PDE1A: variants seen among roughly 807,000 people sequenced by gnomAD.
PDE1A encodes the protein phosphodiesterase 1A, also known as dual specificity calcium/calmodulin-dependent 3',5'-cyclic nucleotide phosphodiesterase 1A.
Under a neutral mutation model 61.7 loss-of-function variants are expected in PDE1A, and 35 were observed. The ratio of observed to expected loss-of-function variants is 0.57; its 90% confidence interval spans 0.43 to 0.75. PDE1A has a LOEUF of 0.75. Ranked by LOEUF, PDE1A falls within the 30% of genes least tolerant of loss-of-function variation. The pLI is 0.00. For missense variants in PDE1A, 597 were observed against 630.6 expected (o/e 0.95, Z 0.57); for synonymous variants, 232 against 213.2 (o/e 1.09, Z -0.77).
chr2:182,178,340 G>A (rs1022642323), intron 13 of PDE1A, among the ~76,000 whole-genome samples: 1 of 152,058 alleles, frequency 6.6e-6, no homozygotes, highest in East Asian at 1.9e-4. Context: ...AGCAAAAAGG[G>A]GTATGAAGGT....
At chr2:182,346,922 C>T (rs1366463787) in intron 1 of PDE1A, among the ~76,000 whole-genome samples, 8 of 152,200 alleles carry the variant, frequency 5.3e-5, no homozygotes, top group Admixed American at 5.2e-4. Context: ...CCCAAGACTT[C>T]TGAGAAAATT....
intron 2 of PDE1A, among the ~76,000 whole-genome samples, chr2:182,468,374 T>C (rs1686809628): frequency 6.6e-6 from 1 of 151,992 alleles, no homozygotes; most frequent in Non-Finnish European, 1.5e-5. Flanking sequence ...GTAGATTCCA[T>C]CTCAATAAAC....
chr2:182,581,339 G>C, the PDE1A span, among the ~76,000 whole-genome samples: 1 of 152,096 alleles, frequency 6.6e-6, no homozygotes, highest in East Asian at 1.9e-4. Flanking sequence ...ACCTCAAACG[G>C]CCTCATGGAG....
chr2:182,653,489 A>G, the PDE1A span, among the ~76,000 whole-genome samples: 3 of 152,214 alleles, frequency 2.0e-5, no homozygotes, highest in Non-Finnish European at 1.5e-5. Context: ...TCTCTATGAA[A>G]TTAGGCTCTT....
chr2:182,281,707 T>C (rs1693817523), intron 1 of PDE1A, among the ~76,000 whole-genome samples: 1 of 151,866 alleles, frequency 6.6e-6, no homozygotes, highest in Non-Finnish European at 1.5e-5. Flanking sequence ...TTTGTGAAAA[T>C]TTCATTATTT....
chr2:182,638,224 A>G, the PDE1A span, among the ~76,000 whole-genome samples: 5 of 152,194 alleles, frequency 3.3e-5, no homozygotes, highest in Non-Finnish European at 5.9e-5. Flanking sequence ...AAATTAGTTC[A>G]AACTAAATAA....
the PDE1A span, among the ~76,000 whole-genome samples, chr2:182,585,210 G>A: frequency 6.6e-6 from 1 of 152,050 alleles, no homozygotes; most frequent in Admixed American, 6.6e-5. Context: ...CATCTTCCAG[G>A]AAATTTCATC....
At chr2:182,226,829 T>C (rs1039566406) in intron 6 of PDE1A, among the ~76,000 whole-genome samples, 1 of 151,128 alleles carries the variant, frequency 6.6e-6, no homozygotes, top group African/African-American at 2.5e-5. Flanking sequence ...TGGCTTACTC[T>C]AGAGCGGGCA....
At chr2:182,189,125 A>T in intron 10 of PDE1A, 65 bp from the exon 11 acceptor site, 2 of 987,170 alleles carry the variant, frequency 2.0e-6, no homozygotes, top group Non-Finnish European at 3.1e-6. Context: ...GAGCAACCTA[A>T]GATATAAAGC....
intron 13 of PDE1A, among the ~76,000 whole-genome samples, chr2:182,150,739 GAC>G (rs1243594792): frequency 6.6e-6 from 1 of 152,156 alleles, no homozygotes; most frequent in African/African-American, 2.4e-5. Context: ...TTATAGGAGA[GAC>G]AGACTTACCA....
intron 1 of PDE1A, among the ~76,000 whole-genome samples, chr2:182,331,320 T>A (rs1697393301): frequency 6.6e-6 from 1 of 152,248 alleles, no homozygotes; most frequent in Non-Finnish European, 1.5e-5. Flanking sequence ...CCAGTCTGTG[T>A]CTTTTAATTG....
intron 1 of PDE1A, among the ~76,000 whole-genome samples, chr2:182,265,989 G>A (rs1014023691): frequency 6.6e-6 from 1 of 152,026 alleles, no homozygotes; most frequent in Admixed American, 6.6e-5. Context: ...AGATACAAAG[G>A]CAAGTTAAGA....
chr2:182,455,405 G>A (rs975976175), intron 2 of PDE1A, among the ~76,000 whole-genome samples: 2 of 151,874 alleles, frequency 1.3e-5, no homozygotes, highest in African/African-American at 4.8e-5. Context: ...TCCCATTACT[G>A]GGTATATATC....
chr2:182,231,633 C>T (rs1375337333), intron 4 of PDE1A, among the ~76,000 whole-genome samples: 1 of 151,906 alleles, frequency 6.6e-6, no homozygotes, highest in Non-Finnish European at 1.5e-5. Flanking sequence ...ATGTAAATAT[C>T]GGCCTGGTGT....
chr2:182,425,749 C>A (rs551902645), intron 1 of PDE1A, among the ~76,000 whole-genome samples: 1 of 152,200 alleles, frequency 6.6e-6, no homozygotes, highest in African/African-American at 2.4e-5. Flanking sequence ...ACATTGCTAA[C>A]ATGTAGTATC....
the PDE1A span, among the ~76,000 whole-genome samples, chr2:182,677,857 T>C: frequency 4.4e-3 from 671 of 152,284 alleles, 1 homozygote; most frequent in African/African-American, 0.015. Context: ...TTACAACATA[T>C]ACAAAAATCA....
chr2:182,168,346 A>C, intron 13 of PDE1A: 1 of 1,486,184 alleles, frequency 6.7e-7, no homozygotes, highest in Non-Finnish European at 9.1e-7. Context: ...GCTGTAAAGA[A>C]GTTATGAAAA....
At chr2:182,431,403 A>G (rs1392662889), upstream of PDE1A, among the ~76,000 whole-genome samples, 3 of 152,166 alleles carry the variant, frequency 2.0e-5, no homozygotes, top group South Asian at 2.1e-4. Context: ...TGTCATAACT[A>G]GGAATATCAC....
intron 8 of PDE1A, among the ~76,000 whole-genome samples, chr2:182,202,749 G>A (rs1417749015): frequency 6.6e-6 from 1 of 152,120 alleles, no homozygotes; most frequent in East Asian, 1.9e-4. Flanking sequence ...TTTTAACCAA[G>A]GCACTGTAAA....
Sources: gnomAD v4.1 joint callset for allele counts (sites outside exome capture counted in the v4.1 genomes callset) on GRCh38, gnomAD v4.1.1 for gene constraint, MANE v1.5 for transcripts, NCBI Gene and HGNC (gene_info 2026-07-23, HGNC 2026-07-21) for gene names.